Variants in STK39 observed in about 807,000 individuals in gnomAD.
STK39 encodes the protein STE20/SPS1-related proline-alanine-rich protein kinase.
In STK39, 20 loss-of-function variants were observed where a neutral mutation model predicts 77.8. The observed-to-expected ratio is 0.26, with a 90% CI of 0.18 to 0.37. The LOEUF (loss-of-function observed/expected upper bound fraction) is 0.37. STK39 is among the 10% of genes least tolerant of loss of function. The pLI is 1.00. For missense variants in STK39, 479 were observed against 656.5 expected (o/e 0.73, Z 2.95); for synonymous variants, 246 against 234.1 (o/e 1.05, Z -0.47).
At chr2:168,025,322 G>A (rs889278975) in intron 14 of STK39, among the ~76,000 whole-genome samples, 5 of 152,118 alleles carry the variant, frequency 3.3e-5, no homozygotes, top group African/African-American at 4.8e-5. Context: ...TCTCCAAAAC[G>A]GAATGTATCA....
At chr2:167,971,463 T>C (rs1258468398) in intron 16 of STK39, among the ~76,000 whole-genome samples, 5 of 152,006 alleles carry the variant, frequency 3.3e-5, no homozygotes, top group Admixed American at 1.3e-4. Context: ...TGCACGTAGG[T>C]AGGAAAAAAA....
intron 1 of STK39, among the ~76,000 whole-genome samples, chr2:168,227,554 C>A (rs977100014): frequency 6.6e-6 from 1 of 152,190 alleles, no homozygotes; most frequent in African/African-American, 2.4e-5. Context: ...AGGTTTCATA[C>A]GAAGTCACTA....
chr2:167,972,471 C>T (rs1387860044), intron 16 of STK39, among the ~76,000 whole-genome samples: 1 of 152,108 alleles, frequency 6.6e-6, no homozygotes. Context: ...AACCATGTGG[C>T]CTTGCTTTCT....
At chr2:168,128,536 C>T (rs1018147303) in intron 10 of STK39, among the ~76,000 whole-genome samples, 1 of 152,140 alleles carries the variant, frequency 6.6e-6, no homozygotes, top group Non-Finnish European at 1.5e-5. Flanking sequence ...ACCAGCCCAC[C>T]CCACATAATT....
chr2:168,036,932 A>T (rs1684971186), intron 14 of STK39, among the ~76,000 whole-genome samples: 2 of 152,246 alleles, frequency 1.3e-5, no homozygotes, highest in Non-Finnish European at 2.9e-5. Flanking sequence ...GGACTTCAGC[A>T]GGTAATCACT....
intron 1 of STK39, among the ~76,000 whole-genome samples, chr2:168,230,581 G>A (rs1690428349): frequency 6.6e-6 from 1 of 152,156 alleles, no homozygotes; most frequent in African/African-American, 2.4e-5. Flanking sequence ...CAAGTACAAT[G>A]GTCCTTACCT....
At chr2:168,224,524 T>A (rs547186392) in intron 1 of STK39, among the ~76,000 whole-genome samples, 26 of 151,854 alleles carry the variant, frequency 1.7e-4, no homozygotes, top group African/African-American at 6.1e-4. Context: ...AGGCATTAGG[T>A]GATTTTCAAC....
At chr2:168,039,293 C>A (rs1685040370) in intron 14 of STK39, among the ~76,000 whole-genome samples, 2 of 152,046 alleles carry the variant, frequency 1.3e-5, no homozygotes, top group African/African-American at 4.8e-5. Flanking sequence ...TGATCCATAG[C>A]TTGAAAAAAG....
intron 10 of STK39, among the ~76,000 whole-genome samples, chr2:168,126,166 A>G (rs1687535737): frequency 6.6e-6 from 1 of 152,164 alleles, no homozygotes; most frequent in South Asian, 2.1e-4. Context: ...TCATGTGTCA[A>G]TGGACTGTCT....
At chr2:168,195,496 T>C (rs1027055718) in intron 1 of STK39, among the ~76,000 whole-genome samples, 5 of 152,220 alleles carry the variant, frequency 3.3e-5, no homozygotes, top group Non-Finnish European at 7.3e-5. Context: ...GTCTGGTCGG[T>C]GGCCATGCTT....
intron 16 of STK39, among the ~76,000 whole-genome samples, chr2:168,004,615 C>A (rs1174472239): frequency 2.0e-5 from 3 of 151,598 alleles, no homozygotes; most frequent in African/African-American, 4.8e-5. Flanking sequence ...TGCCTGTAGT[C>A]CCAGCTACTT....
At chr2:168,049,178 T>C (rs529092353) in intron 14 of STK39, among the ~76,000 whole-genome samples, 59 of 152,240 alleles carry the variant, frequency 3.9e-4, no homozygotes, top group African/African-American at 1.4e-3. Flanking sequence ...CTGAAGAAGA[T>C]GAAGACTCCC....
At chr2:168,157,010 A>T (rs1259636654) in intron 5 of STK39, among the ~76,000 whole-genome samples, 1 of 152,188 alleles carries the variant, frequency 6.6e-6, no homozygotes, top group Non-Finnish European at 1.5e-5. Flanking sequence ...AAAATGAAAG[A>T]ACCTAGCAGC....
chr2:167,965,953 G>T (rs1412409604), intron 16 of STK39, among the ~76,000 whole-genome samples: 3 of 152,122 alleles, frequency 2.0e-5, no homozygotes, highest in Non-Finnish European at 4.4e-5. Flanking sequence ...CAGCTGCAGA[G>T]GAGAAAAAAG....
intron 3 of STK39, among the ~76,000 whole-genome samples, chr2:168,165,073 A>T (rs1042051333): frequency 2.6e-5 from 4 of 152,238 alleles, no homozygotes; most frequent in Non-Finnish European, 5.9e-5. Context: ...AGGAAAAAAA[A>T]ACCTCTGTTT....
intron 1 of STK39, among the ~76,000 whole-genome samples, chr2:168,224,267 G>A (rs1690251649): frequency 6.6e-6 from 1 of 152,036 alleles, no homozygotes; most frequent in Non-Finnish European, 1.5e-5. Context: ...AACTGATGAA[G>A]AGGCTCTATA....
intron 10 of STK39, among the ~76,000 whole-genome samples, chr2:168,124,711 T>C (rs1687495738): frequency 1.3e-5 from 2 of 152,112 alleles, no homozygotes; most frequent in South Asian, 4.1e-4. Flanking sequence ...TATGTTGGTT[T>C]TAGAAAGCCA....
At chr2:168,067,434 G>A (rs529150445) in intron 12 of STK39, among the ~76,000 whole-genome samples, 1 of 152,118 alleles carries the variant, frequency 6.6e-6, no homozygotes, top group Non-Finnish European at 1.5e-5. Flanking sequence ...ACCAAATTAT[G>A]TGCCTGTTCT....
At chr2:168,125,928 G>A (rs1350350668) in intron 10 of STK39, among the ~76,000 whole-genome samples, 1 of 152,140 alleles carries the variant, frequency 6.6e-6, no homozygotes, top group East Asian at 1.9e-4. Context: ...GGCAGCACTG[G>A]TGGGCTCCAT....
Sources: allele counts gnomAD v4.1 joint callset (sites outside exome capture counted in the v4.1 genomes callset), GRCh38; gene constraint gnomAD v4.1.1; transcripts MANE v1.5; gene names NCBI Gene and HGNC (gene_info 2026-07-23, HGNC 2026-07-21).